Variants in SRSF11 observed in about 807,000 individuals in gnomAD.
SRSF11 encodes the protein serine/arginine-rich splicing factor 11.
Under a neutral mutation model 56.0 loss-of-function variants are expected in SRSF11, and 9 were observed. That is an observed-to-expected ratio of 0.16 (90% CI 0.10 to 0.28). The LOEUF (loss-of-function observed/expected upper bound fraction) is 0.28. SRSF11 is among the 10% of genes least tolerant of loss of function. The probability of loss-of-function intolerance (pLI) is 1.00; values close to 1 mark genes in which losing one functional copy is unlikely to be tolerated. For missense variants in SRSF11, 421 were observed against 600.7 expected, an observed-to-expected ratio of 0.70 and a Z score of 3.13; for synonymous variants, 222 against 215.3, an observed-to-expected ratio of 1.03 and a Z score of -0.27.
intron 6 of SRSF11, among the ~76,000 whole-genome samples, chr1:70,239,044 T>C (rs1674729981): frequency 6.6e-6 from 1 of 152,194 alleles, no homozygotes; most frequent in African/African-American, 2.4e-5. Context: ...GAAAAATTAT[T>C]AGAATAACTT....
chr1:70,221,466 TGCGGCGGGGCGGAGAAACGGCGGCG>T lies in SRSF11; in HGVS notation c.-163_-139del. 4.4e-6 allele frequency: 4 copies of T among 904,682 alleles called. No homozygotes were observed. Among genetic ancestry groups the T allele is most frequent in the Non-Finnish European group, 6.5e-6 (4 of 613,214 alleles). 56.0% of individuals were successfully genotyped at this position (904,682 alleles called of 1,614,324 possible). ...CGCTCTCATCCCCTCCCCCGCGGCGTGCGGCGGGGCGGAGAAACGGCGGCGGCGGCGGCGGCATCGGCAGCAGTAG... is the reference window on the plus strand; with the variant it reads ...CGCTCTCATCCCCTCCCCCGCGGCGTGCGGCGGCGGCATCGGCAGCAGTAG... On this transcript the variant is annotated 5_prime_UTR_variant, in exon 1 of 12. Coordinates refer to ENST00000370949, the MANE Select transcript of SRSF11 (RefSeq NM_001350605.2).
intron 1 of SRSF11, chr1:70,222,745 T>C (rs1670935671): frequency 6.6e-6 from 1 of 152,232 alleles, no homozygotes; most frequent in Admixed American, 6.5e-5. Context: ...AATTTTATGA[T>C]GTCACTTAAA....
At chr1:70,250,248 C>T in intron 10 of SRSF11, 117 bp from the exon 11 acceptor site, 2 of 1,494,308 alleles carry the variant, frequency 1.3e-6, no homozygotes, top group Non-Finnish European at 1.8e-6. Context: ...GCCTGTGTTA[C>T]TTCTCCAAGG....
chr1:70,239,458 A>C lies in SRSF11; in HGVS notation c.738A>C (p.Arg246Ser). 6.2e-7 allele frequency: 1 copy of C among 1,606,938 alleles called. No individual in the cohort carries two copies. Among genetic ancestry groups the C allele is most frequent in the Non-Finnish European group, 8.5e-7 (1 of 1,177,576 alleles). Residue 246 changes from arginine to serine, a missense_variant, in exon 7 of 12, where the codon AGA (arginine) becomes AGC (serine). Physicochemically the swap from Arg to Ser is moderately radical, Grantham distance 110. Around this residue, in one of 2 missense-constraint regions of SRSF11, gnomAD observed 253 missense variants for 305.8 expected, o/e 0.83. Coordinates refer to ENST00000370949, the MANE Select transcript of SRSF11 (RefSeq NM_001350605.2). ...ATATAGATAAGAAAGAAGAAAAAAG[A>C]AGGCATTCAAGATCAAGATCACGTT... ...AIEPDKKEEK[R>S]RHSRSRSRSR...
intron 1 of SRSF11, among the ~76,000 whole-genome samples, chr1:70,207,980 G>A (rs1345291114): frequency 6.6e-6 from 1 of 152,028 alleles, no homozygotes; most frequent in East Asian, 1.9e-4. Context: ...CCATAGCACT[G>A]GGATTACAGG....
intron 1 of SRSF11, among the ~76,000 whole-genome samples, chr1:70,207,776 A>G (rs946484097): frequency 1.3e-5 from 2 of 151,134 alleles, no homozygotes; most frequent in African/African-American, 4.9e-5. Context: ...CCCATGATGA[A>G]GTACAGTGGT....
intron 7 of SRSF11, among the ~76,000 whole-genome samples, chr1:70,242,366 C>CCCCCACA (rs932499723): frequency 1.3e-5 from 2 of 151,670 alleles, no homozygotes; most frequent in East Asian, 1.9e-4. Context: ...ACACACACAC[C>CCCCCACA]CCCCACACCC....
chr1:70,223,914 T>C (rs944427920), intron 1 of SRSF11, among the ~76,000 whole-genome samples: 7 of 152,184 alleles, frequency 4.6e-5, no homozygotes, highest in African/African-American at 1.7e-4. Flanking sequence ...GTAACTATTA[T>C]CTACACAGTT....
In SRSF11 at chr1:70,235,498, C is replaced by T. The variant is rs368033295; in HGVS notation, c.541-3C>T. 1.9e-5 allele frequency: 30 copies of T among 1,604,004 alleles called. No individual in the cohort carries two copies. Among genetic ancestry groups the T allele is most frequent in the Non-Finnish European group, 2.0e-5 (24 of 1,176,258 alleles). ...TCATTATTCTTATGTTTTATTTTTA[C>T]AGTCTCTTGCTGCAGATCAGTTGCT... On this transcript the variant is annotated splice_region_variant and splice_polypyrimidine_tract_variant and intron_variant, in intron 4 of 11. Coordinates refer to ENST00000370949, the MANE Select transcript of SRSF11 (RefSeq NM_001350605.2).
intron 9 of SRSF11, among the ~76,000 whole-genome samples, chr1:70,247,385 T>A (rs1406187758): frequency 6.6e-6 from 1 of 152,136 alleles, no homozygotes; most frequent in Non-Finnish European, 1.5e-5. Context: ...TTGCAGACCT[T>A]ACTGCACAAA....
chr1:70,249,994 T>A lies in SRSF11; in HGVS notation c.1065T>A (p.Pro355=). 1.2e-6 allele frequency: 2 copies of A among 1,614,152 alleles called. No homozygotes were observed. Among genetic ancestry groups the A allele is most frequent in the Non-Finnish European group, 1.7e-6 (2 of 1,179,990 alleles). Reference sequence around the variant, plus strand: ...GAAGCAGGAGTGGCACAAGATCTCCTAAAAAGCCTCGGTCTCCTAAAAGAA... The same window carrying A: ...GAAGCAGGAGTGGCACAAGATCTCCAAAAAAGCCTCGGTCTCCTAAAAGAA... ...RRRSRSGTRS[P]KKPRSPKRKL... Residue 355 remains proline (P), a synonymous_variant, in exon 10 of 12, where the codon CCT becomes CCA. Coordinates refer to ENST00000370949, the MANE Select transcript of SRSF11 (RefSeq NM_001350605.2).
At chr1:70,221,376 C>A (rs1051284889), upstream of SRSF11, 4 of 495,706 alleles carry the variant, frequency 8.1e-6, no homozygotes, top group East Asian at 3.5e-5. Context: ...AGCTCGGGCC[C>A]GCTAGTGTCG....
intron 1 of SRSF11, among the ~76,000 whole-genome samples, chr1:70,213,261 A>G (rs572893942): frequency 6.6e-6 from 1 of 152,184 alleles, no homozygotes; most frequent in Non-Finnish European, 1.5e-5. Flanking sequence ...TAATTAGAAG[A>G]AGTATTTATT....
At position 70,221,693 on chromosome 1, in the gene SRSF11, C is replaced by G. The variant is rs909461047; in HGVS notation, c.57C>G (p.Pro19=). ...STAGPGPSGG[P]GGGGGGGGGG... The stretch of plus-strand genomic sequence containing the variant: ...CAGGTCCGGGCCCCAGCGGCGGGCC[C>G]GGTGGCGGAGGTGGTGGTGGCGGCG... The change falls in exon 1 of 12, where the codon CCC becomes CCG. Residue 19 remains proline (P), a synonymous_variant. Coordinates refer to ENST00000370949, the MANE Select transcript of SRSF11 (RefSeq NM_001350605.2). The G allele has an allele frequency of 7.4e-6, 12 of 1,612,230 alleles. No individual in the cohort carries two copies. Among genetic ancestry groups the G allele is most frequent in the African/African-American group, 1.3e-5 (1 of 74,816 alleles).
chr1:70,251,043 A>G lies in SRSF11; in HGVS notation c.*238A>G. ...GATTGAGTAACCAAGCAGTTTTACT[A>G]TTCTGGTGCTGCTTCATAACAAAAA... is the stretch of plus-strand genomic sequence containing the variant. On this transcript the variant is annotated 3_prime_UTR_variant, in exon 12 of 12. Coordinates refer to ENST00000370949, the MANE Select transcript of SRSF11 (RefSeq NM_001350605.2). 2.3e-6 allele frequency: 1 copy of G among 439,068 alleles called. No homozygotes were observed. Among genetic ancestry groups the G allele is most frequent in the Non-Finnish European group, 4.1e-6 (1 of 245,402 alleles). 27.2% of individuals were successfully genotyped at this position (439,068 alleles called of 1,614,324 possible).
At chr1:70,229,034 G>A in intron 2 of SRSF11, 1 of 984,792 alleles carries the variant, frequency 1.0e-6, no homozygotes, top group South Asian at 4.7e-5. Context: ...AGTATACCAA[G>A]GGTTGCAGTG....
chr1:70,241,094 C>G (rs1358681376), intron 7 of SRSF11, among the ~76,000 whole-genome samples: 4 of 152,046 alleles, frequency 2.6e-5, no homozygotes, highest in Non-Finnish European at 5.9e-5. Context: ...ACTCTTAAAC[C>G]TTCACTCCTG....
Position 70,221,785 on chromosome 1 carries a change from G to A in SRSF11, c.149G>A (p.Arg50Gln), listed in dbSNP as rs1333183706. 1 of 1,614,114 alleles carries A rather than the reference G, an allele frequency of 6.2e-7. No individual in the cohort carries two copies. The highest frequency in any genetic ancestry group is 8.5e-7 in the Non-Finnish European group (1 of 1,180,036). ...CCGAGCGCTAGCTCTGAGCAGATGCGGACTCTCTTCGGTTTCCTAGGCAAG... is the reference window on the plus strand; with the variant it reads ...CCGAGCGCTAGCTCTGAGCAGATGCAGACTCTCTTCGGTTTCCTAGGCAAG... ...VSPSASSEQM[R>Q]TLFGFLGKID... The change falls in exon 1 of 12, where the codon CGG (arginine) becomes CAG (glutamine). Residue 50 changes from arginine (R) to glutamine (Q), a missense_variant. By Grantham distance (43) the Arg-to-Gln change is conservative. This residue lies in a region of SRSF11 where 168 missense variants were observed against 294.9 expected (regional missense o/e 0.57). Transcript: ENST00000370949.
intron 2 of SRSF11, chr1:70,229,760 A>G: frequency 2.0e-6 from 2 of 984,470 alleles, no homozygotes; most frequent in Non-Finnish European, 2.4e-6. Context: ...TCTAGTCCTT[A>G]ACAGAGAAGT....
Sources: allele counts gnomAD v4.1 joint callset (sites outside exome capture counted in the v4.1 genomes callset), GRCh38; gene constraint gnomAD v4.1.1; regional missense constraint gnomAD v4.1.1; transcripts MANE v1.5; gene names NCBI Gene and HGNC (gene_info 2026-07-23, HGNC 2026-07-21).